The following WARS2 variants were observed in gnomAD, a reference collection of about 807,000 sequenced individuals.
The protein encoded by WARS2 is tryptophanyl tRNA synthetase 2, mitochondrial.
Under a neutral mutation model 36.5 loss-of-function variants are expected in WARS2, and 28 were observed. The observed-to-expected ratio is 0.77, with a 90% CI of 0.57 to 1.05. WARS2 has a LOEUF of 1.05. WARS2 is among the 50% of genes least tolerant of loss of function. The pLI, the probability that WARS2 is intolerant of heterozygous loss-of-function variation, is 0.00. For missense variants in WARS2, 435 were observed against 456.8 expected (o/e 0.95, Z 0.44); for synonymous variants, 174 against 178.4 (o/e 0.98, Z 0.20).
intron 1 of WARS2, among the ~76,000 whole-genome samples, chr1:119,113,514 T>C (rs1654781341): frequency 6.6e-6 from 1 of 152,100 alleles, no homozygotes. Context: ...TCTAGACAGA[T>C]ATTGGCAGTA....
rs888152060 is a variant in WARS2, at chr1:119,128,260, C to G, written c.90+12295G>C. On this transcript the variant is annotated intron_variant, in intron 1 of 5. Transcript: ENST00000235521. ...CCTGTAATTTTTGTATTTTTTAGTACAGATCGTGTTTCACTATGTTGGCCA... is the reference window on the plus strand; with the variant it reads ...CCTGTAATTTTTGTATTTTTTAGTAGAGATCGTGTTTCACTATGTTGGCCA... 4.6e-5 allele frequency among the ~76,000 whole-genome samples: 7 copies of G among 152,028 alleles called. No individual in the cohort carries two copies. The East Asian group carries it at 1.2e-3, about 25-fold the overall frequency.
intron 1 of WARS2, among the ~76,000 whole-genome samples, chr1:119,124,589 C>T (rs756538755): frequency 1.9e-4 from 29 of 152,108 alleles, no homozygotes; most frequent in Non-Finnish European, 3.8e-4. Flanking sequence ...AAACCATCTT[C>T]ACCACTCACC....
intron 1 of WARS2, among the ~76,000 whole-genome samples, chr1:119,108,283 A>G (rs1370168039): frequency 6.6e-6 from 1 of 152,014 alleles, no homozygotes; most frequent in Non-Finnish European, 1.5e-5. Context: ...TAAAACATCT[A>G]CTAGAGTTCA....
rs2101120981 is a variant in WARS2 at position 119,042,302 on chromosome 1, T to C, written c.477A>G (p.Thr159=). The C allele has an allele frequency of 6.2e-7, 1 of 1,613,938 alleles. No individual in the cohort carries two copies. Among genetic ancestry groups the C allele is most frequent in the Non-Finnish European group, 8.5e-7 (1 of 1,179,916 alleles). ...TGTCGGCTGCCTGGAGTACTGGGTA[T>C]GTGAGCAGGCCCACCGTGCCATCGT... is the stretch of plus-strand genomic sequence containing the variant. ...QKHDGTVGLL[T]YPVLQAADIL... is the part of the protein sequence containing the mutation. The change falls in exon 4 of 6, where the codon ACA becomes ACG. Residue 159 remains threonine, a synonymous_variant. Coordinates refer to ENST00000235521, the MANE Select transcript of WARS2 (RefSeq NM_015836.4).
At chr1:119,069,230 T>C (rs1417850570) in intron 2 of WARS2, among the ~76,000 whole-genome samples, 1 of 152,202 alleles carries the variant, frequency 6.6e-6, no homozygotes, top group African/African-American at 2.4e-5. Flanking sequence ...TATAAAATAA[T>C]ATTTTTCTCT....
At chr1:119,071,066 C>T (rs1439628970) in intron 2 of WARS2, among the ~76,000 whole-genome samples, 1 of 152,024 alleles carries the variant, frequency 6.6e-6, no homozygotes, top group Admixed American at 6.6e-5. Context: ...GCCTGTAATC[C>T]CAACTACTTG....
intron 1 of WARS2, among the ~76,000 whole-genome samples, chr1:119,080,524 A>G (rs748937661): frequency 3.3e-5 from 5 of 152,190 alleles, no homozygotes; most frequent in Non-Finnish European, 5.9e-5. Flanking sequence ...AATGAGACCA[A>G]CGAGAAGTGT....
At chr1:119,097,342 ACCTC>A (rs1653510611) in intron 1 of WARS2, among the ~76,000 whole-genome samples, 1 of 151,848 alleles carries the variant, frequency 6.6e-6, no homozygotes, top group African/African-American at 2.4e-5. Flanking sequence ...CTTTTTCCTG[ACCTC>A]CCACCCCACC....
intron 1 of WARS2, among the ~76,000 whole-genome samples, chr1:119,103,927 T>A (rs904159199): frequency 1.3e-5 from 2 of 150,362 alleles, no homozygotes; most frequent in Non-Finnish European, 1.5e-5. Flanking sequence ...AAATATATAT[T>A]TTTTTCTTTT....
Position 119,059,136 on chromosome 1 carries a change from G to A in WARS2, c.349-13474C>T, listed in dbSNP as rs528282404. On this transcript the variant is annotated intron_variant, in intron 2 of 5. Transcript: ENST00000235521. Reference sequence around the variant, plus strand: ...TGAGAAGTGTCTGTTCATGTCCTTCGCCCACTTTTTGATGGGGTTGTTTTT... The same window carrying A: ...TGAGAAGTGTCTGTTCATGTCCTTCACCCACTTTTTGATGGGGTTGTTTTT... 7.2e-3 allele frequency among the ~76,000 whole-genome samples: 1,089 copies of A among 151,048 alleles called. 4 individuals carry two copies. Among genetic ancestry groups the A allele is most frequent in the Non-Finnish European group, 0.01 (684 of 67,302 alleles).
In WARS2 at chr1:119,045,597, A is replaced by G; in HGVS notation, c.414T>C (p.His138=). 1.3e-6 allele frequency: 2 copies of G among 1,594,246 alleles called. No individual in the cohort carries two copies. The highest frequency in any genetic ancestry group is 8.6e-7 in the Non-Finnish European group (1 of 1,166,960). The part of the protein sequence containing the change: ...SCMVRLPRLQ[H]LHQWKAKTTK... ...TGGCATTTACCTTCCACTGATGTAA[A>G]TGTTGTAATCGAGGTAGTCTGACCA... Residue 138 remains histidine, a synonymous_variant, in exon 3 of 6, where the codon CAT becomes CAC. Transcript: ENST00000235521.
At chr1:119,051,188 G>A (rs114016340) in intron 2 of WARS2, among the ~76,000 whole-genome samples, 2 of 151,766 alleles carry the variant, frequency 1.3e-5, no homozygotes, top group East Asian at 1.9e-4. Context: ...CCTCCCATTC[G>A]ACACCCTTAA....
At chr1:119,091,274 G>A (rs981312483) in intron 1 of WARS2, among the ~76,000 whole-genome samples, 3 of 152,148 alleles carry the variant, frequency 2.0e-5, no homozygotes, top group African/African-American at 7.2e-5. Context: ...CTTACTAAAT[G>A]GGAAGCATTA....
At chr1:119,092,926 A>G (rs748886209) in intron 1 of WARS2, among the ~76,000 whole-genome samples, 4 of 152,186 alleles carry the variant, frequency 2.6e-5, no homozygotes, top group Non-Finnish European at 5.9e-5. Context: ...CTAAACCACA[A>G]TCATCTCACC....
At chr1:119,133,324 A>G (rs1656244169) in intron 1 of WARS2, among the ~76,000 whole-genome samples, 1 of 152,274 alleles carries the variant, frequency 6.6e-6, no homozygotes, top group Admixed American at 6.5e-5. Flanking sequence ...ACATGTCACC[A>G]TGGCAAGATA....
intron 1 of WARS2, among the ~76,000 whole-genome samples, chr1:119,103,559 G>A (rs987787303): frequency 1.3e-5 from 2 of 151,890 alleles, no homozygotes; most frequent in Non-Finnish European, 2.9e-5. Flanking sequence ...AGGAGAATTT[G>A]TACTTTAACT....
chr1:119,076,307 T>C lies in WARS2; in HGVS notation c.348+43A>G, dbSNP rs76845759. ...CATTCAACATTTTTTCCTCAAATAA[T>C]CTACACATAAGAGTTTTCTCAGTTC... On this transcript the variant is annotated intron_variant, in intron 2 of 5. Transcript: ENST00000235521. The C allele has an allele frequency of 7.9e-4, 1,264 of 1,599,466 alleles. 8 individuals are homozygous for C. In the African/African-American group the frequency reaches 0.015, roughly 19 times the overall value.
At position 119,090,080 on chromosome 1, in the gene WARS2, A is replaced by G. The variant is rs587643743; in HGVS notation, c.91-13473T>C. The stretch of plus-strand genomic sequence containing the variant: ...AAACCACCATGGCACACATTTATCT[A>G]TGTAACAACTCTGTATATCCTGCAC... On this transcript the variant is annotated intron_variant, in intron 1 of 5. Coordinates refer to ENST00000235521, the MANE Select transcript of WARS2 (RefSeq NM_015836.4). 5.3e-5 allele frequency among the ~76,000 whole-genome samples: 8 copies of G among 152,098 alleles called. 1 individual carries two copies. The South Asian group carries it at 1.7e-3, about 32-fold the overall frequency.
At position 119,134,896 on chromosome 1, in the gene WARS2, T is replaced by C. The variant is rs188873701; in HGVS notation, c.90+5659A>G. 7.7e-3 allele frequency among the ~76,000 whole-genome samples: 1,172 copies of C among 152,246 alleles called. 12 individuals carry two copies. Among genetic ancestry groups the C allele is most frequent in the African/African-American group, 0.027 (1,113 of 41,538 alleles). On this transcript the variant is annotated intron_variant, in intron 1 of 5. Coordinates refer to ENST00000235521, the MANE Select transcript of WARS2 (RefSeq NM_015836.4). ...GAGTCAAGAAAAGAACTAGAGTAAGTGTTCTCTGTGAGGAGGCTAGAGGCT... is the reference window on the plus strand; with the variant it reads ...GAGTCAAGAAAAGAACTAGAGTAAGCGTTCTCTGTGAGGAGGCTAGAGGCT...
Sources: allele counts gnomAD v4.1 joint callset (sites outside exome capture counted in the v4.1 genomes callset), GRCh38; gene constraint gnomAD v4.1.1; transcripts MANE v1.5; gene names NCBI Gene and HGNC (gene_info 2026-07-23, HGNC 2026-07-21).